LCP1: variants seen among roughly 807,000 people sequenced by gnomAD.
The protein encoded by LCP1 is lymphocyte cytosolic protein 1.
A neutral mutation model predicts 72.0 loss-of-function variants in LCP1; 23 were observed. The ratio of observed to expected loss-of-function variants is 0.32; its 90% CI spans 0.23 to 0.45. LCP1 has a LOEUF of 0.45. LCP1 is among the 20% of genes least tolerant of loss of function. The pLI, the probability that LCP1 is intolerant of heterozygous loss-of-function variation, is 1.00. For missense variants in LCP1, 571 were observed against 748.3 expected (o/e 0.76, Z 2.76); for synonymous variants, 245 against 275.4 (o/e 0.89, Z 1.09).
chr13:46,132,072 C>T (rs2045637445), intron 14 of LCP1, among the ~76,000 whole-genome samples: 1 of 148,686 alleles, frequency 6.7e-6, no homozygotes, highest in South Asian at 2.2e-4. Flanking sequence ...GAATGTGGGG[C>T]TAGTATGACA....
At chr13:46,164,554 A>G (rs540408968) in intron 1 of LCP1, among the ~76,000 whole-genome samples, 2 of 152,374 alleles carry the variant, frequency 1.3e-5, no homozygotes, top group South Asian at 4.1e-4. Context: ...TAAAAAATCC[A>G]AAATGCTTCA....
chr13:46,161,579 C>T (rs560255164), intron 1 of LCP1, among the ~76,000 whole-genome samples: 1 of 152,240 alleles, frequency 6.6e-6, no homozygotes, highest in African/African-American at 2.4e-5. Context: ...TTTCCTTCTT[C>T]CTTCCTTGTT....
intron 1 of LCP1, among the ~76,000 whole-genome samples, chr13:46,160,702 T>A (rs193098436): frequency 1.3e-5 from 2 of 151,962 alleles, no homozygotes; most frequent in African/African-American, 4.8e-5. Flanking sequence ...AAACAGAAAA[T>A]GGATGATAAT....
chr13:46,160,568 A>G (rs1046756263), intron 1 of LCP1, among the ~76,000 whole-genome samples: 16 of 152,346 alleles, frequency 1.1e-4, no homozygotes, highest in Non-Finnish European at 2.4e-4. Flanking sequence ...CAGCTATGGG[A>G]ATCTGAGGCG....
At chr13:46,180,526 G>T (rs933696054) in intron 1 of LCP1, among the ~76,000 whole-genome samples, 1 of 152,162 alleles carries the variant, frequency 6.6e-6, no homozygotes, top group Non-Finnish European at 1.5e-5. Context: ...AGGGTCTCTG[G>T]GATTGCTAAG....
At chr13:46,137,260 G>A (rs552196811) in intron 13 of LCP1, among the ~76,000 whole-genome samples, 96 of 152,030 alleles carry the variant, frequency 6.3e-4, no homozygotes, top group African/African-American at 2.1e-3. Flanking sequence ...AGGCTGGGCC[G>A]GGCACGGTGG....
chr13:46,160,887 T>C (rs1005595305), intron 1 of LCP1, among the ~76,000 whole-genome samples: 2 of 152,212 alleles, frequency 1.3e-5, no homozygotes, highest in Admixed American at 6.6e-5. Context: ...AAAAAAAATT[T>C]GTGACAGGAT....
At position 46,127,039 on chromosome 13, in the gene LCP1, G is replaced by C. The variant is rs4391952; in HGVS notation, c.*552C>G. 0.15 allele frequency: 34,389 copies of C among 230,992 alleles called. 3,373 individuals are homozygous for C. The highest frequency in any genetic ancestry group is 0.21 in the Non-Finnish European group (24,044 of 116,706). 14.3% of individuals were successfully genotyped at this position (230,992 alleles called of 1,614,324 possible). A position where few individuals can be genotyped will look rare whatever the true frequency, so the allele number is the denominator to read the frequency against. ...TCCAAGTGGCCCAGAGACAAGGACGGCCAGAAGAGATGGGCCCCCCCGGAA... is the reference window on the plus strand; with the variant it reads ...TCCAAGTGGCCCAGAGACAAGGACGCCCAGAAGAGATGGGCCCCCCCGGAA... On this transcript the variant is annotated 3_prime_UTR_variant, in exon 16 of 16. Coordinates refer to ENST00000323076, the MANE Select transcript of LCP1 (RefSeq NM_002298.5).
intron 7 of LCP1, among the ~76,000 whole-genome samples, chr13:46,151,948 C>T (rs750486198): frequency 6.6e-6 from 1 of 152,156 alleles, no homozygotes; most frequent in Non-Finnish European, 1.5e-5. Flanking sequence ...AGAGAAGACG[C>T]AATAAGATTG....
At chr13:46,157,480 G>C (rs2045810117) in intron 4 of LCP1, among the ~76,000 whole-genome samples, 1 of 151,914 alleles carries the variant, frequency 6.6e-6, no homozygotes, top group Non-Finnish European at 1.5e-5. Flanking sequence ...GTGATTTTTA[G>C]ATGTTTTAAT....
chr13:46,175,961 C>A (rs2045927345), intron 1 of LCP1, among the ~76,000 whole-genome samples: 1 of 152,078 alleles, frequency 6.6e-6, no homozygotes, highest in Non-Finnish European at 1.5e-5. Flanking sequence ...TTCAAGCTGG[C>A]CTTTCTGGTG....
intron 1 of LCP1, among the ~76,000 whole-genome samples, chr13:46,180,123 AAC>A (rs1354127271): frequency 1.3e-5 from 2 of 152,226 alleles, no homozygotes; most frequent in East Asian, 1.9e-4. Flanking sequence ...GAGGATCTGT[AAC>A]ACACACAGTC....
chr13:46,159,110 A>G (rs2045822003), intron 2 of LCP1, 121 bp from the exon 3 acceptor site: 1 of 867,930 alleles, frequency 1.2e-6, no homozygotes, highest in Non-Finnish European at 1.8e-6. Flanking sequence ...ACATTAAGGC[A>G]TGATCCCAGG....
chr13:46,177,380 G>T (rs2045936400), intron 1 of LCP1, among the ~76,000 whole-genome samples: 1 of 152,158 alleles, frequency 6.6e-6, no homozygotes, highest in Admixed American at 6.5e-5. Context: ...GGTGGCTCAC[G>T]CCTGTAATCC....
Position 46,130,772 on chromosome 13 carries a change from G to C in LCP1, c.1751+42C>G. ...TTTACAACCATCCAGCTGCCAGTTG[G>C]GTCCTTCCCTCCCAATCTGAGGTTT... On this transcript the variant is annotated intron_variant, in intron 15 of 15. Transcript: ENST00000323076. The C allele has an allele frequency of 1.9e-6, 3 of 1,609,882 alleles. No individual in the cohort carries two copies. In the African/African-American group the frequency reaches 4.0e-5, roughly 22 times the overall value.
intron 8 of LCP1, 133 bp from the exon 9 acceptor site, chr13:46,148,580 A>G (rs2045744663): frequency 1.5e-6 from 1 of 652,294 alleles, no homozygotes. Context: ...TAACAAAGCT[A>G]GAAACATTCA....
intron 1 of LCP1, among the ~76,000 whole-genome samples, chr13:46,175,233 T>C (rs1414163447): frequency 6.6e-6 from 1 of 152,160 alleles, no homozygotes; most frequent in Non-Finnish European, 1.5e-5. Flanking sequence ...AGTAAGTCAG[T>C]GGTGACGCTG....
chr13:46,154,711 G>C (rs192717084), intron 6 of LCP1, 94 bp downstream of exon 6: 1 of 974,216 alleles, frequency 1.0e-6, no homozygotes, highest in East Asian at 2.4e-5. Flanking sequence ...TTTTGCGAAT[G>C]ATGTCTGAGC....
intron 12 of LCP1, chr13:46,142,843 G>T (rs188965307): frequency 2.0e-5 from 9 of 441,986 alleles, no homozygotes; most frequent in Admixed American, 5.2e-5. Context: ...GCTACGCATG[G>T]ATCATTAACA....
Sources: allele counts gnomAD v4.1 joint callset (sites outside exome capture counted in the v4.1 genomes callset), GRCh38; gene constraint gnomAD v4.1.1; transcripts MANE v1.5; gene names NCBI Gene and HGNC (gene_info 2026-07-23, HGNC 2026-07-21).